NDST3: variants seen among roughly 807,000 people sequenced by gnomAD.
The protein encoded by NDST3 is bifunctional heparan sulfate N-deacetylase/N-sulfotransferase 3.
NDST3 carries 58 observed loss-of-function variants against 96.1 expected under a neutral mutation model. The ratio of observed to expected loss-of-function variants is 0.60; its 90% CI spans 0.49 to 0.75. The LOEUF is 0.75. NDST3 is among the 30% of genes least tolerant of loss of function. The pLI is 0.00. For missense variants in NDST3, 788 were observed against 1,034.2 expected, an observed-to-expected ratio of 0.76 and a Z score of 3.27; for synonymous variants, 333 against 359.7, an observed-to-expected ratio of 0.93 and a Z score of 0.84.
At chr4:118,210,813 G>C (rs1378433905) in intron 6 of NDST3, among the ~76,000 whole-genome samples, 2 of 150,338 alleles carry the variant, frequency 1.3e-5, no homozygotes, top group African/African-American at 4.9e-5. Context: ...CCCTGCTCAA[G>C]AGGGTTCCTG....
chr4:118,232,633 GA>G (rs1227838514), intron 8 of NDST3, among the ~76,000 whole-genome samples: 1 of 139,602 alleles, frequency 7.2e-6, no homozygotes, highest in African/African-American at 2.7e-5. Flanking sequence ...GTAAGATGCT[GA>G]AAAAAAAAGA....
intron 6 of NDST3, among the ~76,000 whole-genome samples, chr4:118,167,499 A>C (rs58798110): frequency 0.18 from 27,678 of 151,890 alleles, 2,653 homozygotes; most frequent in South Asian, 0.23. Flanking sequence ...AGTAATCTAC[A>C]GATTAAATGC....
At chr4:118,033,585 TGGGAGGCGGCGGCTCCCGCCC>T (rs1249975131), upstream of NDST3, 2 of 151,746 alleles carry the variant, frequency 1.3e-5, no homozygotes, top group African/African-American at 2.4e-5. Context: ...GGCCGGGAGC[TGGGAGGCGGCGGCTCCCGCCC>T]GGGAGGCGGT....
intron 1 of NDST3, among the ~76,000 whole-genome samples, chr4:118,052,323 G>C (rs186365796): frequency 1.3e-5 from 2 of 152,014 alleles, no homozygotes; most frequent in African/African-American, 4.8e-5. Flanking sequence ...ACAAGTGGGA[G>C]CTAAACCCTG....
At chr4:118,042,974 C>T (rs185290189) in intron 1 of NDST3, among the ~76,000 whole-genome samples, 39 of 152,320 alleles carry the variant, frequency 2.6e-4, no homozygotes, top group Non-Finnish European at 4.3e-4. Flanking sequence ...GCTGCTGTCT[C>T]ACAAGTCTCA....
intron 2 of NDST3, among the ~76,000 whole-genome samples, chr4:118,077,207 G>C (rs985685888): frequency 6.6e-6 from 1 of 152,146 alleles, no homozygotes; most frequent in Non-Finnish European, 1.5e-5. Flanking sequence ...CTGATGGGGG[G>C]GTGCCAGCCA....
intron 10 of NDST3, among the ~76,000 whole-genome samples, 173 bp downstream of exon 10, chr4:118,237,393 C>T (rs1367974468): frequency 1.3e-5 from 2 of 152,034 alleles, no homozygotes; most frequent in Non-Finnish European, 2.9e-5. Context: ...ATTTCCTCCA[C>T]TAAGTTTTTG....
At chr4:118,199,633 G>T (rs75672123) in intron 6 of NDST3, among the ~76,000 whole-genome samples, 17,332 of 152,114 alleles carry the variant, frequency 0.11, 1,327 homozygotes, top group South Asian at 0.2. Flanking sequence ...GTTCATTTGT[G>T]TCTGGCCATT....
chr4:118,060,923 T>C (rs762195259), intron 2 of NDST3, among the ~76,000 whole-genome samples: 6 of 152,142 alleles, frequency 3.9e-5, no homozygotes, highest in Admixed American at 3.3e-4. Flanking sequence ...TTTACTACCA[T>C]CAAAGTTTTA....
At chr4:118,039,349 A>G (rs1724320194) in intron 1 of NDST3, among the ~76,000 whole-genome samples, 2 of 152,190 alleles carry the variant, frequency 1.3e-5, no homozygotes, top group Non-Finnish European at 2.9e-5. Context: ...AGATGGTTTG[A>G]CTTAAATACT....
intron 4 of NDST3, among the ~76,000 whole-genome samples, chr4:118,123,415 G>T (rs907203442): frequency 6.6e-6 from 1 of 152,030 alleles, no homozygotes; most frequent in African/African-American, 2.4e-5. Flanking sequence ...ACCTCTCAAA[G>T]ACCCCAAAGG....
At chr4:118,040,676 G>A (rs533772176) in intron 1 of NDST3, among the ~76,000 whole-genome samples, 1 of 151,466 alleles carries the variant, frequency 6.6e-6, no homozygotes, top group African/African-American at 2.4e-5. Flanking sequence ...ACTATTATAA[G>A]AGTTTGGTTT....
intron 6 of NDST3, chr4:118,194,382 T>A: frequency 1.4e-6 from 1 of 730,652 alleles, no homozygotes; most frequent in Non-Finnish European, 2.6e-6. Context: ...GAGTGTGGCA[T>A]TGGGGAGATC....
rs896755430 is a variant in NDST3 at position 118,254,876 on chromosome 4, G to A, written c.2503-717G>A. On this transcript the variant is annotated intron_variant, in intron 13 of 13. Transcript: ENST00000296499. ...ATAAACTCATAATTAAATCATATACGGAAGAGAGAGAGAGTTTCTGTTATT... is the reference window on the plus strand; with the variant it reads ...ATAAACTCATAATTAAATCATATACAGAAGAGAGAGAGAGTTTCTGTTATT... 4.6e-5 allele frequency among the ~76,000 whole-genome samples: 7 copies of A among 151,992 alleles called. No homozygotes were observed. The East Asian group carries it at 5.8e-4, about 13-fold the overall frequency.
Position 118,242,025 on chromosome 4 carries a change from T to TA in NDST3, c.2290-14dup. 1.3e-6 allele frequency: 2 copies of TA among 1,554,122 alleles called. No individual in the cohort carries two copies. On this transcript the variant is annotated splice_polypyrimidine_tract_variant and intron_variant, in intron 11 of 13. Transcript: ENST00000296499. The stretch of plus-strand genomic sequence containing the variant: ...TGTCTTTTTTCAATGTGCATTTTTT[T>TA]ATTTGATAATTTAGTTGCTAATTAT...
In NDST3 at chr4:118,256,459, A is replaced by G. The variant is rs2126018833; in HGVS notation, c.*747A>G. 6.6e-6 allele frequency: 1 copy of G among 152,364 alleles called. No homozygotes were observed. The highest frequency in any genetic ancestry group is 1.5e-5 in the Non-Finnish European group (1 of 68,036). The allele number at this position is 152,364 out of a possible 1,614,324, so 9.4% of individuals were successfully genotyped here. ...TGGTAAATAGAAACACATCAAGTAC[A>G]CCAAAACAGTAAATAACAATGTAAA... On this transcript the variant is annotated 3_prime_UTR_variant, in exon 14 of 14. Transcript: ENST00000296499.
At chr4:118,172,644 C>T (rs183668363) in intron 6 of NDST3, among the ~76,000 whole-genome samples, 1 of 152,164 alleles carries the variant, frequency 6.6e-6, no homozygotes, top group Non-Finnish European at 1.5e-5. Flanking sequence ...TCTTTCTGCT[C>T]TTCCATATTT....
intron 2 of NDST3, among the ~76,000 whole-genome samples, chr4:118,064,689 G>A (rs1726165960): frequency 6.6e-6 from 1 of 152,206 alleles, no homozygotes; most frequent in South Asian, 2.1e-4. Context: ...AAACAGCTAT[G>A]TATGGTTTTC....
chr4:118,238,164 AAAG>A lies in NDST3; in HGVS notation c.2118+947_2118+949del, dbSNP rs1553948615. The stretch of plus-strand genomic sequence containing the variant: ...GAGAGAGAAAAGAAAGAAAAGAAAG[AAAG>A]AAAGAAAGAAAGAAAGAAAGAAAGA... On this transcript the variant is annotated intron_variant, in intron 10 of 13. Transcript: ENST00000296499. Among the ~76,000 whole-genome samples the A allele has an allele frequency of 8.9e-3, 182 of 20,346 alleles. 1 individual carries two copies. Among genetic ancestry groups the A allele is most frequent in the East Asian group, 0.048 (39 of 806 alleles). The allele number at this position is 20,346 out of a possible 152,430, so 13.3% of individuals were successfully genotyped here.
Sources: gnomAD v4.1 joint callset for allele counts (sites outside exome capture counted in the v4.1 genomes callset) on GRCh38, gnomAD v4.1.1 for gene constraint, MANE v1.5 for transcripts, NCBI Gene and HGNC (gene_info 2026-07-23, HGNC 2026-07-21) for gene names.